Variants in THAP1 observed in about 807,000 individuals in gnomAD.
The protein encoded by THAP1 is THAP domain-containing protein 1.
In THAP1, 6 loss-of-function variants were observed where a neutral mutation model predicts 18.2. The observed-to-expected ratio is 0.33, with a 90% CI of 0.18 to 0.65. The LOEUF is 0.65. Among genes scored for constraint, THAP1 ranks in the 30% least tolerant of loss-of-function variants. The pLI is 0.74. For synonymous variants in THAP1, 85 were observed against 90.5 expected (o/e 0.94, Z 0.34); for missense variants, 176 against 253.0 (o/e 0.70, Z 2.06).
chr8:42,840,244 T>G (rs1158302829), intron 1 of THAP1, among the ~76,000 whole-genome samples: 1 of 152,196 alleles, frequency 6.6e-6, no homozygotes, highest in Non-Finnish European at 1.5e-5. Flanking sequence ...ATTTTCTGTG[T>G]GCTGCACAGA....
chr8:42,842,364 C>G (rs953995817), intron 1 of THAP1: 1 of 152,222 alleles, frequency 6.6e-6, no homozygotes, highest in African/African-American at 2.4e-5. Context: ...AGAGCTTTCT[C>G]TATGCACAGG....
chr8:42,840,756 C>A (rs1294157684), intron 1 of THAP1, among the ~76,000 whole-genome samples: 1 of 152,086 alleles, frequency 6.6e-6, no homozygotes, highest in Non-Finnish European at 1.5e-5. Context: ...ATCAGGAGGT[C>A]GAAGTATGGA....
intron 1 of THAP1, among the ~76,000 whole-genome samples, chr8:42,840,782 C>T (rs1022476538): frequency 3.3e-5 from 5 of 152,040 alleles, no homozygotes; most frequent in Non-Finnish European, 5.9e-5. Flanking sequence ...TCCTGGCCAA[C>T]ATGGTGAAAC....
At chr8:42,838,395 C>CTG in intron 2 of THAP1, 59 bp from the exon 3 acceptor site, 2 of 1,599,270 alleles carry the variant, frequency 1.3e-6, no homozygotes, top group Non-Finnish European at 1.7e-6. Context: ...TTAAAAGAAT[C>CTG]TGTGGACTGA....
intron 1 of THAP1, chr8:42,842,771 C>A: frequency 5.3e-6 from 1 of 189,612 alleles, no homozygotes; most frequent in Non-Finnish European, 1.1e-5. Flanking sequence ...CGCGTCAACC[C>A]AGGCCGTGAG....
chr8:42,842,801 C>T, intron 1 of THAP1: 1 of 205,016 alleles, frequency 4.9e-6, no homozygotes, highest in Non-Finnish European at 9.3e-6. Flanking sequence ...CAACCAGGGC[C>T]TGTTCCAGGA....
Position 42,843,117 on chromosome 8 carries a change from A to C in THAP1, c.-23T>G, listed in dbSNP as rs1586459470. 6.2e-7 allele frequency: 1 copy of C among 1,612,490 alleles called. No individual in the cohort carries two copies. The highest frequency in any genetic ancestry group is 8.5e-7 in the Non-Finnish European group (1 of 1,179,326). On this transcript the variant is annotated 5_prime_UTR_variant, in exon 1 of 3. Transcript: ENST00000254250. Reference sequence around the variant, plus strand: ...CATCCTTCCGGTCCTCAGGCACTTCACTTCTGCCGCCGCAGAAGGCAGGGG... The same window carrying C: ...CATCCTTCCGGTCCTCAGGCACTTCCCTTCTGCCGCCGCAGAAGGCAGGGG...
chr8:42,841,960 G>A (rs961125863), intron 1 of THAP1, among the ~76,000 whole-genome samples: 1 of 152,070 alleles, frequency 6.6e-6, no homozygotes, highest in Admixed American at 6.5e-5. Context: ...CACTCCCCTA[G>A]TAAACACAGA....
chr8:42,842,303 C>G (rs1802733776), intron 1 of THAP1, among the ~76,000 whole-genome samples: 1 of 152,212 alleles, frequency 6.6e-6, no homozygotes, highest in African/African-American at 2.4e-5. Flanking sequence ...CTTAACTGTG[C>G]TACCTACTGG....
At position 42,843,182 on chromosome 8, in the gene THAP1, C is replaced by T. The variant is rs948742513; in HGVS notation, c.-88G>A. 6.5e-7 allele frequency: 1 copy of T among 1,532,300 alleles called. No individual in the cohort carries two copies. The highest frequency in any genetic ancestry group is 9.0e-7 in the Non-Finnish European group (1 of 1,108,858). The allele number at this position is 1,532,300 out of a possible 1,614,324, so 94.9% of individuals were successfully genotyped here. A position where few individuals can be genotyped will look rare whatever the true frequency, so the allele number is the denominator to read the frequency against. The stretch of plus-strand genomic sequence containing the variant: ...GTCGCTGCGCTCGGTTGGATTCCCT[C>T]GCTTCTTTTGTAGCTTTGGCCAACA... On this transcript the variant is annotated 5_prime_UTR_variant, in exon 1 of 3. Coordinates refer to ENST00000254250, the MANE Select transcript of THAP1 (RefSeq NM_018105.3).
At chr8:42,840,965 CAAAAAA>C (rs1029278824) in intron 1 of THAP1, among the ~76,000 whole-genome samples, 14 of 47,076 alleles carry the variant, frequency 3.0e-4, no homozygotes, top group Admixed American at 7.1e-4. Context: ...GACTCCATCT[CAAAAAA>C]AAAAAAAAAA....
rs2128918441 is a variant in THAP1, at chr8:42,838,126, T to C, written c.478A>G (p.Arg160Gly). The change falls in exon 3 of 3, where the codon AGA becomes GGA. Residue 160 changes from arginine to glycine, a missense_variant. By Grantham distance (125) the Arg-to-Gly change is moderately radical. Coordinates refer to ENST00000254250, the MANE Select transcript of THAP1 (RefSeq NM_018105.3). ...HQLEQQVEKL[R>G]KKLKTAQQRC... ...TGCTGTGCGGTCTTGAGCTTCTTTC[T>C]GAGTTTTTCAACTTGCTGTTCTAGC... 1.2e-6 allele frequency: 2 copies of C among 1,614,232 alleles called. No individual in the cohort carries two copies. Among genetic ancestry groups the C allele is most frequent in the Middle Eastern group, 3.3e-4 (2 of 6,062 alleles).
At position 42,843,214 on chromosome 8, in the gene THAP1, G is replaced by C; in HGVS notation, c.-120C>G. 1 of 1,247,156 alleles carries C rather than the reference G, an allele frequency of 8.0e-7. No homozygotes were observed. Among genetic ancestry groups the C allele is most frequent in the Admixed American group, 1.7e-5 (1 of 57,712 alleles). 77.3% of individuals were successfully genotyped at this position (1,247,156 alleles called of 1,614,324 possible). ...TTTGTAGCTTTGGCCAACAGTTACAGTGATGGTGGCCTCCCTCGGGGGTGA... is the reference window on the plus strand; with the variant it reads ...TTTGTAGCTTTGGCCAACAGTTACACTGATGGTGGCCTCCCTCGGGGGTGA... On this transcript the variant is annotated 5_prime_UTR_variant, in exon 1 of 3. Coordinates refer to ENST00000254250, the MANE Select transcript of THAP1 (RefSeq NM_018105.3).
chr8:42,841,449 C>T (rs771554733), intron 1 of THAP1, among the ~76,000 whole-genome samples: 5 of 151,866 alleles, frequency 3.3e-5, no homozygotes, highest in South Asian at 4.2e-4. Flanking sequence ...TACAGGCGTA[C>T]GCCTGTATTT....
intron 1 of THAP1, among the ~76,000 whole-genome samples, chr8:42,841,102 TG>T (rs1479791462): frequency 1.3e-5 from 2 of 152,016 alleles, no homozygotes; most frequent in Non-Finnish European, 2.9e-5. Flanking sequence ...TGGTAGCATT[TG>T]CTGGTAAAAT....
chr8:42,842,896 C>G (rs983947929), intron 1 of THAP1, 128 bp downstream of exon 1: 3 of 727,006 alleles, frequency 4.1e-6, no homozygotes, highest in African/African-American at 1.9e-5. Context: ...GGGAAACGCC[C>G]GACACGGCCG....
intron 1 of THAP1, among the ~76,000 whole-genome samples, chr8:42,842,277 A>G (rs979507979): frequency 6.6e-6 from 1 of 152,202 alleles, no homozygotes; most frequent in Admixed American, 6.5e-5. Flanking sequence ...TCAAGAGAAT[A>G]TTTTTGATCC....
intron 1 of THAP1, among the ~76,000 whole-genome samples, chr8:42,840,710 T>C (rs1802700196): frequency 6.6e-6 from 1 of 152,194 alleles, no homozygotes; most frequent in South Asian, 2.1e-4. Flanking sequence ...TAATCAGGCC[T>C]GTAATCCCAG....
chr8:42,841,874 T>C (rs1289398901), intron 1 of THAP1, among the ~76,000 whole-genome samples: 1 of 151,894 alleles, frequency 6.6e-6, no homozygotes, highest in African/African-American at 2.4e-5. Flanking sequence ...TCTGGAGACC[T>C]CTCTATGTTC....
Sources: allele counts gnomAD v4.1 joint callset (sites outside exome capture counted in the v4.1 genomes callset), GRCh38; gene constraint gnomAD v4.1.1; transcripts MANE v1.5; gene names NCBI Gene and HGNC (gene_info 2026-07-23, HGNC 2026-07-21).